Variants in IDH3B observed in about 807,000 individuals in gnomAD.
The protein encoded by IDH3B is isocitrate dehydrogenase [NAD] subunit beta, mitochondrial.
In IDH3B, 40 loss-of-function variants were observed where a neutral mutation model predicts 47.5. The observed-to-expected ratio is 0.84, with a 90% CI of 0.65 to 1.10. The LOEUF (loss-of-function observed/expected upper bound fraction) is 1.10. Ranked by LOEUF, IDH3B falls within the 50% of genes least tolerant of loss-of-function variation. The probability of loss-of-function intolerance (pLI) is 0.00; values close to 1 mark genes in which losing one functional copy is unlikely to be tolerated. For synonymous variants in IDH3B, 185 were observed against 191.0 expected, an observed-to-expected ratio of 0.97 and a Z score of 0.26; for missense variants, 450 against 505.2, an observed-to-expected ratio of 0.89 and a Z score of 1.05.
At chr20:2,662,044 C>T (rs1191977881) in intron 4 of IDH3B, among the ~76,000 whole-genome samples, 1 of 152,108 alleles carries the variant, frequency 6.6e-6, no homozygotes, top group Non-Finnish European at 1.5e-5. Flanking sequence ...GCAAGAGCCA[C>T]CAGAAGAGGC....
At chr20:2,659,068 A>G in intron 11 of IDH3B, 1 of 1,440,168 alleles carries the variant, frequency 6.9e-7, no homozygotes, top group Non-Finnish European at 9.1e-7. Context: ...TGAGCAGGCA[A>G]AGATGATGGG....
At chr20:2,663,266 A>G (rs1023481731) in intron 4 of IDH3B, among the ~76,000 whole-genome samples, 180 bp downstream of exon 4, 2 of 152,190 alleles carry the variant, frequency 1.3e-5, no homozygotes, top group African/African-American at 2.4e-5. Context: ...TTCTGCATAG[A>G]CAGCTGACAT....
At chr20:2,659,251 A>G in intron 11 of IDH3B, 4 of 1,445,432 alleles carry the variant, frequency 2.8e-6, no homozygotes, top group Admixed American at 2.8e-5. Context: ...CAAGTTCTGC[A>G]TTCAGATGGC....
At chr20:2,658,972 G>C (rs1319095207) in intron 11 of IDH3B, 135 bp from the exon 12 acceptor site, 46 of 1,375,936 alleles carry the variant, frequency 3.3e-5, no homozygotes, top group Non-Finnish European at 6.6e-6. Flanking sequence ...AGGAATGGAA[G>C]GAGGAGCCAG....
intron 4 of IDH3B, among the ~76,000 whole-genome samples, chr20:2,662,497 A>T (rs1470817906): frequency 6.6e-6 from 1 of 152,196 alleles, no homozygotes; most frequent in African/African-American, 2.4e-5. Context: ...AAAAAAATCA[A>T]ATGAGGAGAT....
At chr20:2,658,892 G>A in intron 11 of IDH3B, 55 bp from the exon 12 acceptor site, 1 of 1,611,210 alleles carries the variant, frequency 6.2e-7, no homozygotes, top group Non-Finnish European at 8.5e-7. Context: ...GCCCATGAAG[G>A]GAGGTAGGGC....
chr20:2,660,612 G>T lies in IDH3B; in HGVS notation c.532-22C>A, dbSNP rs1312525155. 6.2e-7 allele frequency: 1 copy of T among 1,614,110 alleles called. No homozygotes were observed. The highest frequency in any genetic ancestry group is 2.2e-5 in the East Asian group (1 of 44,866). On this transcript the variant is annotated intron_variant, in intron 6 of 11. Coordinates refer to ENST00000380843, the MANE Select transcript of IDH3B (RefSeq NM_006899.5). The surrounding 1 kb of genome is among the most constrained non-coding windows in gnomAD (Gnocchi z 5.6). ...CACTCTGGGTAAGAAGAAAGCAGCAGCTAGGTGACACTGGGAAGGGAAACA... is the reference window on the plus strand; with the variant it reads ...CACTCTGGGTAAGAAGAAAGCAGCATCTAGGTGACACTGGGAAGGGAAACA...
At chr20:2,659,090 A>AGAG in intron 11 of IDH3B, 6 of 1,439,284 alleles carry the variant, frequency 4.2e-6, no homozygotes, top group Non-Finnish European at 5.4e-6. Flanking sequence ...AACGCAGATC[A>AGAG]GAGGCAGGAT....
At chr20:2,661,177 C>CTGTGTGTGTGTGTGTGTGTGTG (rs71329398) in intron 4 of IDH3B, among the ~76,000 whole-genome samples, 2 of 150,164 alleles carry the variant, frequency 1.3e-5, no homozygotes, top group Non-Finnish European at 3.0e-5. Context: ...ATTGCATTTT[C>CTGTGTGTGTGTGTGTGTGTGTG]TGTGTGTGTG....
chr20:2,663,858 G>A, intron 2 of IDH3B, 67 bp downstream of exon 2: 1 of 1,596,528 alleles, frequency 6.3e-7, no homozygotes, highest in East Asian at 2.2e-5. Context: ...GTGGGGAAAA[G>A]CCAGGGGAGG....
In IDH3B at chr20:2,663,543, G is replaced by C. The variant is rs756941685; in HGVS notation, c.240C>G (p.Phe80Leu). 3 of 1,614,164 alleles carry C rather than the reference G, an allele frequency of 1.9e-6. No homozygotes were observed. The highest frequency in any genetic ancestry group is 1.1e-5 in the South Asian group (1 of 91,080). The change falls in exon 4 of 12, where the codon TTC (phenylalanine) becomes TTG (leucine). Residue 80 changes from phenylalanine to leucine, a missense_variant. Transcript: ENST00000380843. The stretch of plus-strand genomic sequence containing the variant: ...GCACCTCACTCAGGTGGTGCTCCTG[G>C]AACTCCACTGGGACAGCGGCAGCCT... ...VFKAAAVPVE[F>L]QEHHLSEVQN...
rs2086930003 is a variant in IDH3B, at chr20:2,660,714, T to C, written c.514A>G (p.Ser172Gly). ...GGCCTCACCTCATGTTCCAGAGAGC[T>C]GTACTCCCCTTCTGTCTGCTCTCGA... The part of the protein sequence containing the change: ...IIREQTEGEY[S>G]SLEHESARGV... The change falls in exon 6 of 12, where the codon AGC becomes GGC. Residue 172 changes from serine (S) to glycine (G), a missense_variant. Coordinates refer to ENST00000380843, the MANE Select transcript of IDH3B (RefSeq NM_006899.5). This position sits in a 1 kb window ranked among gnomAD's most constrained non-coding sequence, Gnocchi z 5.6. The C allele has an allele frequency of 6.2e-7, 1 of 1,614,192 alleles. No individual in the cohort carries two copies. Among genetic ancestry groups the C allele is most frequent in the Non-Finnish European group, 8.5e-7 (1 of 1,180,024 alleles).
intron 1 of IDH3B, 32 bp downstream of exon 1, chr20:2,664,121 C>A (rs1232714603): frequency 2.5e-6 from 4 of 1,611,068 alleles, no homozygotes; most frequent in Non-Finnish European, 3.4e-6. Context: ...GCTCCTTCGC[C>A]CGCCCCTGCC....
rs554271438 is a variant in IDH3B, at chr20:2,664,167, G to C, written c.22C>G (p.Arg8Gly). ...CGGGGCCTCACTCGGGTCAGCCAGC[G>C]GACTCCGCTCAATGCCGCCATGTTT... MAALSGV[R>G]WLTRALVSAG... The change falls in exon 1 of 12, where the codon CGC (arginine) becomes GGC (glycine). Residue 8 changes from arginine to glycine, a missense_variant. Physicochemically the swap from Arg to Gly is moderately radical, Grantham distance 125. Coordinates refer to ENST00000380843, the MANE Select transcript of IDH3B (RefSeq NM_006899.5). 4 of 1,613,624 alleles carry C rather than the reference G, an allele frequency of 2.5e-6. No individual in the cohort carries two copies. The highest frequency in any genetic ancestry group is 3.3e-5 in the Admixed American group (2 of 59,970).
rs1405623484 is a variant in IDH3B, at chr20:2,664,002, GCGC to G, written c.37_39del (p.Ala13del). 2 of 1,614,134 alleles carry G rather than the reference GCGC, an allele frequency of 1.2e-6. No individual in the cohort carries two copies. The highest frequency in any genetic ancestry group is 1.6e-4 in the Middle Eastern group (1 of 6,062). On this transcript the variant is annotated inframe_deletion and splice_region_variant, in exon 2 of 12. Transcript: ENST00000380843. ...GCCCCAGGGTTCCCGGCGGAGACCA[GCGC>G]CTGCAACAGGGACACACAAGCCTGT... is the stretch of plus-strand genomic sequence containing the variant.
intron 11 of IDH3B, chr20:2,659,038 G>A (rs1348081817): frequency 1.3e-5 from 16 of 1,187,176 alleles, no homozygotes; most frequent in Non-Finnish European, 1.7e-5. Context: ...CTGTGCTGCA[G>A]CCAGGGCAGG....
Position 2,660,125 on chromosome 20 carries a change from CAT to C in IDH3B, c.818_819del (p.Tyr273TrpfsTer5), listed in dbSNP as rs1380211143. 5 of 1,614,082 alleles carry C rather than the reference CAT, an allele frequency of 3.1e-6. No individual in the cohort carries two copies. The highest frequency in any genetic ancestry group is 4.2e-6 in the Non-Finnish European group (5 of 1,180,006). Reference sequence around the variant, plus strand: ...GCAGCCAGATTGTCAATAATGTTCCCATAGAGATTGGGCATCACAAGCACATC... The same window carrying C: ...GCAGCCAGATTGTCAATAATGTTCCCAGAGATTGGGCATCACAAGCACATC... ...QFDVLVMPNL[Y>X]GNIIDNLAAG... On this transcript the variant is annotated frameshift_variant, in exon 9 of 12. Coordinates refer to ENST00000380843, the MANE Select transcript of IDH3B (RefSeq NM_006899.5). LOFTEE classifies it high-confidence loss of function. This position sits in a 1 kb window ranked among gnomAD's most constrained non-coding sequence, Gnocchi z 5.6.
chr20:2,660,927 G>A lies in IDH3B; in HGVS notation c.380C>T (p.Ser127Phe), dbSNP rs764236244. ...TPMEYKGELASYDMRLRRKLD... is the reference protein window; with the variant it reads ...TPMEYKGELAFYDMRLRRKLD... ...CACCTACCTCAGCCGCATATCATAGGAGGCTAGCTCCCCCTTATACTCCAT... is the reference window on the plus strand; with the variant it reads ...CACCTACCTCAGCCGCATATCATAGAAGGCTAGCTCCCCCTTATACTCCAT... The change falls in exon 5 of 12, where the codon TCC becomes TTC. Residue 127 changes from serine (S) to phenylalanine (F), a missense_variant. Physicochemically the swap from Ser to Phe is radical, Grantham distance 155. Transcript: ENST00000380843. This position sits in a 1 kb window ranked among gnomAD's most constrained non-coding sequence, Gnocchi z 5.6. 3.1e-6 allele frequency: 5 copies of A among 1,613,998 alleles called. No individual in the cohort carries two copies. Among genetic ancestry groups the A allele is most frequent in the Admixed American group, 1.7e-5 (1 of 59,998 alleles).
chr20:2,659,487 TC>T, intron 11 of IDH3B, 37 bp downstream of exon 11: 1 of 1,606,434 alleles, frequency 6.2e-7, no homozygotes, highest in Non-Finnish European at 8.5e-7. Flanking sequence ...CCAGAACTAC[TC>T]TAAATCCTGA....
Sources: gnomAD v4.1 joint callset for allele counts (sites outside exome capture counted in the v4.1 genomes callset) on GRCh38, gnomAD v4.1.1 for gene constraint, Gnocchi (gnomAD v3.1) non-coding constraint, MANE v1.5 for transcripts, NCBI Gene and HGNC (gene_info 2026-07-23, HGNC 2026-07-21) for gene names.